Variants in TCP11L1 observed in about 807,000 individuals in gnomAD.
TCP11L1 encodes t-complex 11 like 1, also known as T-complex protein 11-like protein 1.
A neutral mutation model predicts 48.9 loss-of-function variants in TCP11L1; 28 were observed. The observed-to-expected ratio is 0.57, with a 90% CI of 0.42 to 0.78. The LOEUF (loss-of-function observed/expected upper bound fraction) is 0.78, where lower values mean the gene tolerates loss of function less well. TCP11L1 is among the 30% of genes least tolerant of loss of function. TCP11L1 has a pLI of 0.00. For synonymous variants in TCP11L1, 204 were observed against 231.9 expected (o/e 0.88, Z 1.09); for missense variants, 505 against 613.4 (o/e 0.82, Z 1.87).
intron 3 of TCP11L1, 152 bp from the exon 4 acceptor site, chr11:33,056,963 C>T: frequency 1.9e-6 from 2 of 1,049,266 alleles, no homozygotes; most frequent in African/African-American, 1.6e-5. Flanking sequence ...TAAAGTATGC[C>T]CTCAGTTGAA....
intron 7 of TCP11L1, among the ~76,000 whole-genome samples, chr11:33,063,691 C>G (rs193071959): frequency 6.6e-6 from 1 of 152,354 alleles, no homozygotes; most frequent in East Asian, 1.9e-4. Context: ...GTTATGTAGA[C>G]TCCCCCTCTC....
At chr11:33,065,753 G>T (rs1304475503) in intron 7 of TCP11L1, 77 bp from the exon 8 acceptor site, 2 of 1,505,350 alleles carry the variant, frequency 1.3e-6, no homozygotes, top group Non-Finnish European at 1.8e-6. Context: ...AGGCAGGTGT[G>T]GGGGCTGTGG....
chr11:33,057,898 C>T (rs200357769), intron 4 of TCP11L1, 21 bp from the exon 5 acceptor site: 27 of 1,582,832 alleles, frequency 1.7e-5, no homozygotes, highest in African/African-American at 1.6e-4. Flanking sequence ...TTTGATTAAA[C>T]GTAGCTGTGT....
chr11:33,053,332 A>G (rs948477099), intron 2 of TCP11L1, among the ~76,000 whole-genome samples: 4 of 151,986 alleles, frequency 2.6e-5, no homozygotes, highest in Non-Finnish European at 4.4e-5. Flanking sequence ...TTTAGTAGAG[A>G]CAAGGTTTCA....
Position 33,072,793 on chromosome 11 carries a change from C to T in TCP11L1, c.*117C>T, listed in dbSNP as rs1300517549. 7 of 1,089,460 alleles carry T rather than the reference C, an allele frequency of 6.4e-6. No homozygotes were observed. The Admixed American group carries it at 1.4e-4, about 22-fold the overall frequency. 67.5% of individuals were successfully genotyped at this position (1,089,460 alleles called of 1,614,324 possible). ...ACATGTCTATTTAACAGCACCGATTCCAAAGGGAAGAATATTGTGTATCAC... is the reference window on the plus strand; with the variant it reads ...ACATGTCTATTTAACAGCACCGATTTCAAAGGGAAGAATATTGTGTATCAC... On this transcript the variant is annotated 3_prime_UTR_variant, in exon 10 of 10. Transcript: ENST00000334274.
intron 5 of TCP11L1, 44 bp from the exon 6 acceptor site, chr11:33,058,915 G>A (rs775876830): frequency 1.2e-6 from 2 of 1,603,858 alleles, no homozygotes; most frequent in African/African-American, 2.7e-5. Flanking sequence ...TTAATGCTAT[G>A]TTTACTTTAC....
chr11:33,041,767 C>G (rs1317563674), intron 1 of TCP11L1, among the ~76,000 whole-genome samples: 3 of 150,540 alleles, frequency 2.0e-5, no homozygotes, highest in African/African-American at 7.4e-5. Flanking sequence ...AAAAAAAAAA[C>G]AAAAAAACAG....
rs1403129948 is a variant in TCP11L1, at chr11:33,054,745, A to G, written c.296+20A>G. Reference sequence around the variant, plus strand: ...AAACAGGTAAGGTGGTTGCTAAATTATCTTGCTTAGTAGAACACTGTCATT... The same window carrying G: ...AAACAGGTAAGGTGGTTGCTAAATTGTCTTGCTTAGTAGAACACTGTCATT... On this transcript the variant is annotated intron_variant, in intron 3 of 9. Coordinates refer to ENST00000334274, the MANE Select transcript of TCP11L1 (RefSeq NM_018393.4). The G allele has an allele frequency of 1.2e-6, 2 of 1,609,042 alleles. No individual in the cohort carries two copies. The highest frequency in any genetic ancestry group is 2.2e-5 in the South Asian group (2 of 90,018).
chr11:33,060,223 G>A (rs1172731793), intron 6 of TCP11L1, among the ~76,000 whole-genome samples: 4 of 152,140 alleles, frequency 2.6e-5, no homozygotes, highest in African/African-American at 9.7e-5. Context: ...AGCCTGAAGA[G>A]CCGTAATATT....
chr11:33,060,042 G>C (rs1279959268), intron 6 of TCP11L1, among the ~76,000 whole-genome samples: 1 of 152,094 alleles, frequency 6.6e-6, no homozygotes, highest in East Asian at 1.9e-4. Context: ...TGACCAGAAT[G>C]GATTGACCAC....
chr11:33,053,082 G>GT (rs1341696833), intron 2 of TCP11L1, among the ~76,000 whole-genome samples: 1 of 149,048 alleles, frequency 6.7e-6, no homozygotes, highest in Non-Finnish European at 1.5e-5. Flanking sequence ...TCAGCAATCT[G>GT]TTTTCACAAG....
chr11:33,055,306 G>T (rs1044390111), intron 3 of TCP11L1, among the ~76,000 whole-genome samples: 1 of 152,188 alleles, frequency 6.6e-6, no homozygotes, highest in Non-Finnish European at 1.5e-5. Flanking sequence ...CAGGATTCTG[G>T]ATGGTGCCTG....
chr11:33,043,930 C>G lies in TCP11L1; in HGVS notation c.157C>G (p.Pro53Ala), dbSNP rs1197288460. The change falls in exon 2 of 10, where the codon CCT (proline) becomes GCT (alanine). Residue 53 changes from proline to alanine, a missense_variant. By Grantham distance (27) the Pro-to-Ala change is conservative. Coordinates refer to ENST00000334274, the MANE Select transcript of TCP11L1 (RefSeq NM_018393.4). ...DSSSPQRVQR[P>A]HSSPPRFVTV... ...CTCCAGCCCCCAAAGAGTGCAGAGA[C>G]CTCACTGTAAGCAAATTTGACTTTG... is the stretch of plus-strand genomic sequence containing the variant. 1 of 1,591,638 alleles carries G rather than the reference C, an allele frequency of 6.3e-7. No homozygotes were observed. The highest frequency in any genetic ancestry group is 8.5e-7 in the Non-Finnish European group (1 of 1,173,650).
chr11:33,048,184 A>ATTTTT (rs35718306), intron 2 of TCP11L1, among the ~76,000 whole-genome samples: 6 of 148,210 alleles, frequency 4.0e-5, no homozygotes, highest in African/African-American at 1.2e-4. Flanking sequence ...GTATCTTTAC[A>ATTTTT]TTTTTTTTTT....
intron 2 of TCP11L1, among the ~76,000 whole-genome samples, chr11:33,053,021 T>G (rs75547419): frequency 5.9e-5 from 9 of 151,976 alleles, no homozygotes; most frequent in African/African-American, 2.2e-4. Context: ...AAAATGCAGA[T>G]TCTTTGGCCC....
rs1590240406 is a variant in TCP11L1 at position 33,065,892 on chromosome 11, C to A, written c.1035C>A (p.Ile345=). The A allele has an allele frequency of 6.2e-7, 1 of 1,614,220 alleles. No individual in the cohort carries two copies. Among genetic ancestry groups the A allele is most frequent in the East Asian group, 2.2e-5 (1 of 44,894 alleles). The part of the protein sequence containing the change: ...ELQLQLEQLT[I]LGAVLLVTFS... ...AGTTGCAGCTGGAACAACTGACCAT[C>A]CTGGGGGCTGTGTTGCTGGTCACCT... is the stretch of plus-strand genomic sequence containing the variant. The change falls in exon 8 of 10, where the codon ATC becomes ATA. Residue 345 remains isoleucine (I), a synonymous_variant. Coordinates refer to ENST00000334274, the MANE Select transcript of TCP11L1 (RefSeq NM_018393.4).
chr11:33,059,541 T>C (rs1476608926), intron 6 of TCP11L1, among the ~76,000 whole-genome samples: 1 of 152,208 alleles, frequency 6.6e-6, no homozygotes, highest in Non-Finnish European at 1.5e-5. Context: ...AGGAAGAGTC[T>C]CATTTTTATG....
chr11:33,051,966 G>T (rs1854174001), intron 2 of TCP11L1, among the ~76,000 whole-genome samples: 1 of 151,970 alleles, frequency 6.6e-6, no homozygotes. Flanking sequence ...ATACATTTTA[G>T]AATTAGTTTG....
intron 2 of TCP11L1, among the ~76,000 whole-genome samples, chr11:33,051,034 T>C (rs11600931): frequency 0.41 from 62,432 of 152,004 alleles, 13,048 homozygotes; most frequent in African/African-American, 0.48. Flanking sequence ...TGTTCTCAAA[T>C]TCCTGGCCTC....
Sources: gnomAD v4.1 joint callset for allele counts (sites outside exome capture counted in the v4.1 genomes callset) on GRCh38, gnomAD v4.1.1 for gene constraint, MANE v1.5 for transcripts, NCBI Gene and HGNC (gene_info 2026-07-23, HGNC 2026-07-21) for gene names.